FRAS1: variants seen among roughly 807,000 people sequenced by gnomAD.
FRAS1 encodes extracellular matrix organizing protein FRAS1.
A neutral mutation model predicts 435.2 loss-of-function variants in FRAS1; 290 were observed. The observed-to-expected ratio is 0.67, with a 90% CI of 0.61 to 0.73. The LOEUF is 0.73. Ranked by LOEUF, FRAS1 falls within the 30% of genes least tolerant of loss-of-function variation. The pLI, the probability that FRAS1 is intolerant of heterozygous loss-of-function variation, is 0.00. For missense variants in FRAS1, 4,860 were observed against 5,001.5 expected, an observed-to-expected ratio of 0.97 and a Z score of 0.85; for synonymous variants, 1,800 against 1,851.0, an observed-to-expected ratio of 0.97 and a Z score of 0.71.
Position 78,065,081 on chromosome 4 carries a change from T to TATATAC in FRAS1, c.77-901_77-900insTACATA, listed in dbSNP as rs762909923. Among the ~76,000 whole-genome samples, 15 of 125,692 alleles carry TATATAC rather than the reference T, an allele frequency of 1.2e-4. 1 individual carries two copies. The highest frequency in any genetic ancestry group is 1.0e-3 in the Admixed American group (12 of 11,882). 82.5% of individuals were successfully genotyped at this position (125,692 alleles called of 152,430 possible). ...GTGTATATATATATATATATATATATATACATACACACACACACACTAAAT... is the reference window on the plus strand; with the variant it reads ...GTGTATATATATATATATATATATATATATACATACATACACACACACACACTAAAT... On this transcript the variant is annotated intron_variant, in intron 1 of 73. Coordinates refer to ENST00000512123, the MANE Select transcript of FRAS1 (RefSeq NM_025074.7).
At chr4:78,124,273 G>A (rs779147164) in intron 2 of FRAS1, among the ~76,000 whole-genome samples, 7 of 152,128 alleles carry the variant, frequency 4.6e-5, no homozygotes, top group Non-Finnish European at 8.8e-5. Flanking sequence ...GATGGATTAC[G>A]TTTATTGATT....
At chr4:78,235,421 G>C (rs1032790464) in intron 2 of FRAS1, among the ~76,000 whole-genome samples, 1 of 152,198 alleles carries the variant, frequency 6.6e-6, no homozygotes, top group African/African-American at 2.4e-5. Flanking sequence ...CAGGAGCTTG[G>C]AAACTTATCT....
intron 33 of FRAS1, among the ~76,000 whole-genome samples, chr4:78,421,090 C>G (rs1293449271): frequency 1.3e-5 from 2 of 151,460 alleles, no homozygotes; most frequent in African/African-American, 4.8e-5. Context: ...AAGATGTAGG[C>G]TAGGAGGCTA....
chr4:78,261,622 A>C (rs1237947779), intron 6 of FRAS1, among the ~76,000 whole-genome samples: 1 of 151,942 alleles, frequency 6.6e-6, no homozygotes, highest in African/African-American at 2.4e-5. Context: ...ACACCCATAC[A>C]AAAGAAACAC....
intron 41 of FRAS1, 85 bp from the exon 42 acceptor site, chr4:78,445,437 G>T: frequency 1.4e-6 from 2 of 1,409,230 alleles, no homozygotes; most frequent in South Asian, 1.9e-5. Flanking sequence ...TTTTTTTGCC[G>T]AAAATGATAC....
chr4:78,117,733 AT>A (rs1225113413), intron 2 of FRAS1, among the ~76,000 whole-genome samples: 12 of 151,962 alleles, frequency 7.9e-5, no homozygotes, highest in South Asian at 6.2e-4. Flanking sequence ...CATTCATCTA[AT>A]TTTTTTTTCA....
chr4:78,182,163 T>C, intron 2 of FRAS1: 1 of 732,852 alleles, frequency 1.4e-6, no homozygotes, highest in South Asian at 2.1e-5. Flanking sequence ...AGGTATTTAA[T>C]AATTTCACAA....
intron 2 of FRAS1, chr4:78,180,930 G>A: frequency 6.2e-7 from 1 of 1,608,834 alleles, no homozygotes. Flanking sequence ...TGACTTGTCG[G>A]TCCTGCTGCC....
At chr4:78,383,971 A>G in intron 27 of FRAS1, 88 bp from the exon 28 acceptor site, 1 of 977,552 alleles carries the variant, frequency 1.0e-6, no homozygotes, top group East Asian at 2.5e-5. Context: ...TTACCTACAC[A>G]TAACCTGAAA....
Position 78,526,634 on chromosome 4 carries a change from C to T in FRAS1, c.10902C>T (p.Ala3634=), listed in dbSNP as rs1476200460. 1.3e-6 allele frequency: 2 copies of T among 1,583,928 alleles called. No homozygotes were observed. The highest frequency in any genetic ancestry group is 3.6e-5 in the Admixed American group (2 of 55,154). The change falls in exon 70 of 74, where the codon GCC becomes GCT. Residue 3634 remains alanine, a synonymous_variant. Transcript: ENST00000512123. The part of the protein sequence containing the change: ...PWVDPGEKPL[A]CTAHAPERFL... ...TTGACCCAGGAGAGAAGCCTTTGGCCTGCACTGCACATGCCCCAGAAAGGT... is the reference window on the plus strand; with the variant it reads ...TTGACCCAGGAGAGAAGCCTTTGGCTTGCACTGCACATGCCCCAGAAAGGT...
At chr4:78,106,158 A>G (rs1467554541) in intron 2 of FRAS1, among the ~76,000 whole-genome samples, 5 of 97,876 alleles carry the variant, frequency 5.1e-5, no homozygotes, top group Non-Finnish European at 8.7e-5. Context: ...CAAGGCGGCA[A>G]CTAGGCTGGG....
intron 58 of FRAS1, among the ~76,000 whole-genome samples, chr4:78,488,204 A>G (rs1720233137): frequency 6.6e-6 from 1 of 152,234 alleles, no homozygotes; most frequent in Admixed American, 6.5e-5. Context: ...GTCTGTGGAC[A>G]TGCTTTGTTT....
At chr4:78,331,665 GTC>G (rs1389197731) in intron 18 of FRAS1, among the ~76,000 whole-genome samples, 2 of 152,168 alleles carry the variant, frequency 1.3e-5, no homozygotes, top group Non-Finnish European at 2.9e-5. Context: ...CTCAGAGGGT[GTC>G]TCTGCAGTCT....
chr4:78,529,716 T>C (rs1448492020), intron 70 of FRAS1, among the ~76,000 whole-genome samples: 1 of 152,160 alleles, frequency 6.6e-6, no homozygotes, highest in East Asian at 1.9e-4. Context: ...AGACAGCTAC[T>C]AAGTGACTAA....
rs369803744 is a variant in FRAS1, at chr4:78,466,428, G to A, written c.7250G>A (p.Gly2417Glu). Reference protein sequence around the residue: ...TNPFFIIEEGGKEIMTAAPQP... With the variant: ...TNPFFIIEEGEKEIMTAAPQP... ...CCCTTCTTTATCATTGAGGAAGGGGGAAAAGAGGTGAGGGGTGAGGACACT... is the reference window on the plus strand; with the variant it reads ...CCCTTCTTTATCATTGAGGAAGGGGAAAAAGAGGTGAGGGGTGAGGACACT... Residue 2417 changes from glycine to glutamate, a missense_variant, in exon 50 of 74, where the codon GGA (glycine) becomes GAA (glutamate). Coordinates refer to ENST00000512123, the MANE Select transcript of FRAS1 (RefSeq NM_025074.7). 93 of 1,611,578 alleles carry A rather than the reference G, an allele frequency of 5.8e-5. No individual in the cohort carries two copies. Among genetic ancestry groups the A allele is most frequent in the African/African-American group, 3.5e-4 (26 of 74,888 alleles).
At chr4:78,444,206 A>T (rs1560731645) in intron 41 of FRAS1, 3 of 450,564 alleles carry the variant, frequency 6.7e-6, no homozygotes, top group Middle Eastern at 3.3e-4. Context: ...TCTCCTGTTT[A>T]GAGTGATAAA....
In FRAS1 at chr4:78,472,260, G is replaced by A. The variant is rs748021961; in HGVS notation, c.7452G>A (p.Thr2484=). ...ACGCGCAGCTTGTCTATGAGATAAC[G>A]ACGGGCCCTAAGCATGGCTTTGTGG... ...TEDAQLVYEI[T]TGPKHGFVEN... The change falls in exon 52 of 74, where the codon ACG becomes ACA. Residue 2484 remains threonine, a synonymous_variant. Transcript: ENST00000512123. The A allele has an allele frequency of 8.1e-6, 13 of 1,613,616 alleles. No homozygotes were observed. Among genetic ancestry groups the A allele is most frequent in the African/African-American group, 5.3e-5 (4 of 74,924 alleles).
At chr4:78,398,842 G>C (rs988549690) in intron 29 of FRAS1, among the ~76,000 whole-genome samples, 1 of 152,150 alleles carries the variant, frequency 6.6e-6, no homozygotes, top group African/African-American at 2.4e-5. Flanking sequence ...AATTAGCCAG[G>C]CATGGTGGTA....
At chr4:78,247,852 G>A (rs1182772292) in intron 4 of FRAS1, among the ~76,000 whole-genome samples, 1 of 152,180 alleles carries the variant, frequency 6.6e-6, no homozygotes, top group Non-Finnish European at 1.5e-5. Context: ...ATGGTGATCT[G>A]AAGTGGAAGC....
Sources: allele counts gnomAD v4.1 joint callset (sites outside exome capture counted in the v4.1 genomes callset), GRCh38; gene constraint gnomAD v4.1.1; transcripts MANE v1.5; gene names NCBI Gene and HGNC (gene_info 2026-07-23, HGNC 2026-07-21).